DYRK1A: variants seen among roughly 807,000 people sequenced by gnomAD.
DYRK1A encodes the protein dual specificity tyrosine phosphorylation regulated kinase 1A, also known as dual specificity tyrosine-phosphorylation-regulated kinase 1A.
Under a neutral mutation model 79.7 loss-of-function variants are expected in DYRK1A, and 9 were observed. The ratio of observed to expected loss-of-function variants is 0.11; its 90% confidence interval spans 0.07 to 0.20. The LOEUF is 0.20. Ranked by LOEUF, DYRK1A falls within the 10% of genes least tolerant of loss-of-function variation. The probability of loss-of-function intolerance (pLI) is 1.00; values close to 1 mark genes in which losing one functional copy is unlikely to be tolerated. For missense variants in DYRK1A, 622 were observed against 956.0 expected (o/e 0.65, Z 4.61); for synonymous variants, 349 against 329.7 (o/e 1.06, Z -0.63).
At chr21:37,436,699 A>G (rs1481122851) in intron 2 of DYRK1A, among the ~76,000 whole-genome samples, 1 of 152,222 alleles carries the variant, frequency 6.6e-6, no homozygotes, top group Non-Finnish European at 1.5e-5. Context: ...GGACAATCTT[A>G]CAGACTAGTA....
At position 37,512,274 on chromosome 21, in the gene DYRK1A, G is replaced by A. The variant is rs55720916; in HGVS notation, c.2008G>A (p.Ala670Thr). The A allele has an allele frequency of 1.2e-6, 2 of 1,614,174 alleles. No homozygotes were observed. Among genetic ancestry groups the A allele is most frequent in the African/African-American group, 1.3e-5 (1 of 75,034 alleles). The change falls in exon 12 of 12, where the codon GCC becomes ACC. Residue 670 changes from alanine to threonine, a missense_variant. By Grantham distance (58) the Ala-to-Thr change is moderately conservative (BLOSUM62 0). This residue lies in a region of DYRK1A where 292 missense variants were observed against 316.7 expected (regional missense o/e 0.92). Coordinates refer to ENST00000647188, the MANE Select transcript of DYRK1A (RefSeq NM_001347721.2). ...CTCTACTGGTAACCAAGGCAATCAG[G>A]CCTACCAGAATCGCCCAGTGGCTGC... ...SSSTGNQGNQAYQNRPVAANT... is the reference protein window; with the variant it reads ...SSSTGNQGNQTYQNRPVAANT...
At chr21:37,383,074 G>A (rs953827443) in intron 1 of DYRK1A, among the ~76,000 whole-genome samples, 1 of 152,194 alleles carries the variant, frequency 6.6e-6, no homozygotes, top group Non-Finnish European at 1.5e-5. Context: ...TTTCCCCACC[G>A]CTTTTGCAGT....
At chr21:37,501,163 T>G (rs937036656) in intron 9 of DYRK1A, among the ~76,000 whole-genome samples, 2 of 146,532 alleles carry the variant, frequency 1.4e-5, no homozygotes, top group Non-Finnish European at 3.0e-5. Context: ...TTTGTTGTTG[T>G]TGGTTTTTTT....
chr21:37,489,367 G>GT (rs2052994621), intron 6 of DYRK1A, among the ~76,000 whole-genome samples: 2 of 152,120 alleles, frequency 1.3e-5, no homozygotes, highest in African/African-American at 4.8e-5. Context: ...AGTGTTAATA[G>GT]TTAAAGCACA....
In DYRK1A at chr21:37,524,659, C is replaced by G. The variant is rs762132639; in HGVS notation, c.*12128C>G. On this transcript the variant is annotated 3_prime_UTR_variant, in exon 12 of 12. Coordinates refer to ENST00000647188, the MANE Select transcript of DYRK1A (RefSeq NM_001347721.2). The stretch of plus-strand genomic sequence containing the variant: ...TGGTTTTGAGTGGTTTCCCCTGACT[C>G]TCATGACAGGGGTCACCATATGTTA... 2 of 152,206 alleles carry G rather than the reference C, an allele frequency of 1.3e-5. No individual in the cohort carries two copies. Among genetic ancestry groups the G allele is most frequent in the African/African-American group, 2.4e-5 (1 of 41,454 alleles). 9.4% of individuals were successfully genotyped at this position (152,206 alleles called of 1,614,324 possible).
intron 6 of DYRK1A, chr21:37,488,310 T>C (rs1455961997): frequency 3.1e-6 from 3 of 962,816 alleles, no homozygotes; most frequent in East Asian, 2.3e-4. Flanking sequence ...AACTTTAGAT[T>C]AGACAAGTTC....
At chr21:37,426,405 A>G (rs149045339) in intron 2 of DYRK1A, among the ~76,000 whole-genome samples, 2 of 152,318 alleles carry the variant, frequency 1.3e-5, no homozygotes, top group African/African-American at 4.8e-5. Flanking sequence ...CCAGAAAGAA[A>G]TGTCCACAAA....
chr21:37,520,759 C>T lies in DYRK1A; in HGVS notation c.*8228C>T, dbSNP rs1485318949. 1 of 152,248 alleles carries T rather than the reference C, an allele frequency of 6.6e-6. No individual in the cohort carries two copies. Among genetic ancestry groups the T allele is most frequent in the Non-Finnish European group, 1.5e-5 (1 of 68,066 alleles). 9.4% of individuals were successfully genotyped at this position (152,248 alleles called of 1,614,324 possible). ...GCTCCAGGTCTTGTCCCTGGCCAGT[C>T]TGGGCAGCTCTGCGCTCAGAGGCCT... On this transcript the variant is annotated 3_prime_UTR_variant, in exon 12 of 12. Transcript: ENST00000647188.
At position 37,463,203 on chromosome 21, in the gene DYRK1A, C is replaced by CGTGT. The variant is rs6147501; in HGVS notation, c.11-9454_11-9451dup. On this transcript the variant is annotated intron_variant, in intron 2 of 11. Coordinates refer to ENST00000647188, the MANE Select transcript of DYRK1A (RefSeq NM_001347721.2). ...TGTGTGTGTGTGTTTAATGTTGGCACGTGTGTGTGTGTGTGTGTGTGTGTG... is the reference window on the plus strand; with the variant it reads ...TGTGTGTGTGTGTTTAATGTTGGCACGTGTGTGTGTGTGTGTGTGTGTGTGTGTG... Among the ~76,000 whole-genome samples, 1,304 of 145,352 alleles carry CGTGT rather than the reference C, an allele frequency of 9.0e-3. 12 individuals carry two copies. The highest frequency in any genetic ancestry group is 0.013 in the African/African-American group (488 of 39,006).
chr21:37,442,990 A>G (rs2051153873), intron 2 of DYRK1A, among the ~76,000 whole-genome samples: 1 of 152,064 alleles, frequency 6.6e-6, no homozygotes, highest in African/African-American at 2.4e-5. Context: ...GGCATGCACT[A>G]CCAAGCCCAG....
chr21:37,416,156 C>T (rs117846218), intron 1 of DYRK1A, among the ~76,000 whole-genome samples: 9 of 152,188 alleles, frequency 5.9e-5, no homozygotes, highest in Non-Finnish European at 1.2e-4. Context: ...ACTACCTACT[C>T]GTAGGGCTGT....
At position 37,480,674 on chromosome 21, in the gene DYRK1A, G is replaced by T; in HGVS notation, c.337G>T (p.Gly113Cys). The T allele has an allele frequency of 6.2e-7, 1 of 1,610,040 alleles. No individual in the cohort carries two copies. The highest frequency in any genetic ancestry group is 8.5e-7 in the Non-Finnish European group (1 of 1,178,618). Residue 113 changes from glycine to cysteine, a missense_variant, in exon 5 of 12, where the codon GGC (glycine) becomes TGC (cysteine). Gly to Cys is a radical substitution (Grantham distance 159). Coordinates refer to ENST00000647188, the MANE Select transcript of DYRK1A (RefSeq NM_001347721.2). Reference protein sequence around the residue: ...YAKKKRRHQQGQGDDSSHKKE... With the variant: ...YAKKKRRHQQCQGDDSSHKKE... ...AAAAAAGAAGCGAAGACACCAACAG[G>T]GCCAGGGAGACGATTCTAGTCATAA... is the stretch of plus-strand genomic sequence containing the variant.
chr21:37,518,321 A>G lies in DYRK1A; in HGVS notation c.*5790A>G, dbSNP rs770082308. 1 of 152,282 alleles carries G rather than the reference A, an allele frequency of 6.6e-6. No individual in the cohort carries two copies. The highest frequency in any genetic ancestry group is 1.5e-5 in the Non-Finnish European group (1 of 68,084). The allele number at this position is 152,282 out of a possible 1,614,324, so 9.4% of individuals were successfully genotyped here. A position where few individuals can be genotyped will look rare whatever the true frequency, so the allele number is the denominator to read the frequency against. On this transcript the variant is annotated 3_prime_UTR_variant, in exon 12 of 12. Coordinates refer to ENST00000647188, the MANE Select transcript of DYRK1A (RefSeq NM_001347721.2). ...CACTTCAGGCACCACTCCCACTTCCATTGCCCGCAAATCCAGGAAAGAAAT... is the reference window on the plus strand; with the variant it reads ...CACTTCAGGCACCACTCCCACTTCCGTTGCCCGCAAATCCAGGAAAGAAAT...
chr21:37,448,722 C>A (rs2148495749), intron 2 of DYRK1A, among the ~76,000 whole-genome samples: 1 of 151,954 alleles, frequency 6.6e-6, no homozygotes, highest in South Asian at 2.1e-4. Flanking sequence ...CAGAGTCTTA[C>A]TCTGTTGCCA....
chr21:37,469,916 C>T (rs1032235366), intron 2 of DYRK1A, among the ~76,000 whole-genome samples: 4 of 152,220 alleles, frequency 2.6e-5, no homozygotes, highest in Admixed American at 6.5e-5. Context: ...GAGGCTGAGG[C>T]GGGTGGATCA....
intron 1 of DYRK1A, among the ~76,000 whole-genome samples, chr21:37,378,490 G>C (rs904476898): frequency 6.6e-6 from 1 of 152,202 alleles, no homozygotes; most frequent in Admixed American, 6.5e-5. Flanking sequence ...CGGAGATCAC[G>C]CCATTGCACT....
chr21:37,515,753 A>G lies in DYRK1A; in HGVS notation c.*3222A>G, dbSNP rs755093208. ...TGGTTGCGTAAAGTTGAAGTTAACC[A>G]CATGTAAGAAAGGAAAACTTCCATT... On this transcript the variant is annotated 3_prime_UTR_variant, in exon 12 of 12. Transcript: ENST00000647188. The G allele has an allele frequency of 7.2e-5, 11 of 152,214 alleles. No homozygotes were observed. Among genetic ancestry groups the G allele is most frequent in the Non-Finnish European group, 1.6e-4 (11 of 68,034 alleles). The allele number at this position is 152,214 out of a possible 1,614,324, so 9.4% of individuals were successfully genotyped here.
At chr21:37,428,049 A>G (rs573319628) in intron 2 of DYRK1A, among the ~76,000 whole-genome samples, 4 of 152,144 alleles carry the variant, frequency 2.6e-5, no homozygotes, top group East Asian at 1.9e-4. Context: ...TAACTCTGGT[A>G]CAGGTACTGT....
chr21:37,425,575 T>C (rs2050595699), intron 2 of DYRK1A: 1 of 152,222 alleles, frequency 6.6e-6, no homozygotes. Flanking sequence ...AAAATACATT[T>C]ATATTCATGA....
Sources: gnomAD v4.1 joint callset for allele counts (sites outside exome capture counted in the v4.1 genomes callset) on GRCh38, gnomAD v4.1.1 for gene constraint, gnomAD v4.1.1 regional missense constraint, MANE v1.5 for transcripts, NCBI Gene and HGNC (gene_info 2026-07-23, HGNC 2026-07-21) for gene names.